Variants in ROBO2 observed in about 807,000 individuals in gnomAD.
ROBO2 encodes the protein roundabout homolog 2.
A neutral mutation model predicts 160.8 loss-of-function variants in ROBO2; 53 were observed. The observed-to-expected ratio is 0.33, with a 90% CI of 0.26 to 0.41. The LOEUF is 0.41. ROBO2 is among the 10% of genes least tolerant of loss of function. The pLI is 1.00. For missense variants in ROBO2, 1,577 were observed against 1,722.4 expected, an observed-to-expected ratio of 0.92 and a Z score of 1.49; for synonymous variants, 664 against 611.7, an observed-to-expected ratio of 1.09 and a Z score of -1.26.
upstream of ROBO2, among the ~76,000 whole-genome samples, chr3:77,036,008 C>T (rs570983374): frequency 3.3e-5 from 5 of 151,882 alleles, no homozygotes; most frequent in East Asian, 3.9e-4. Flanking sequence ...TGGTACACTG[C>T]GGTTTTCTTA....
At chr3:76,920,658 T>C (rs545350975) in intron 2 of ROBO2, among the ~76,000 whole-genome samples, 105 of 152,372 alleles carry the variant, frequency 6.9e-4, no homozygotes, top group Non-Finnish European at 1.3e-3. Context: ...AAAAACATTA[T>C]ATATGACAGC....
intron 2 of ROBO2, among the ~76,000 whole-genome samples, chr3:76,347,956 G>T (rs1242144607): frequency 6.6e-6 from 1 of 152,078 alleles, no homozygotes. Flanking sequence ...CAAGAATGAC[G>T]GATGAAGTCT....
rs1458958547 is a variant in ROBO2 at position 76,616,664 on chromosome 3, C to T, written c.110-481350C>T. Among the ~76,000 whole-genome samples, 5 of 152,188 alleles carry T rather than the reference C, an allele frequency of 3.3e-5. No individual in the cohort carries two copies. In the East Asian group the frequency reaches 7.7e-4, roughly 23 times the overall value. On this transcript the variant is annotated intron_variant, in intron 2 of 26. Transcript: ENST00000487694. ...AGAGGAGTCACACGAACTGTGCTTA[C>T]TCCTCCAAACAAAGATATGTAATAA...
rs188593601 is a variant in ROBO2 at position 77,141,000 on chromosome 3, T to C, written c.388+42660T>C. Among the ~76,000 whole-genome samples the C allele has an allele frequency of 1.3e-3, 202 of 152,272 alleles. 1 individual carries two copies. Among genetic ancestry groups the C allele is most frequent in the African/African-American group, 4.7e-3 (195 of 41,566 alleles). On this transcript the variant is annotated intron_variant, in intron 2 of 25. Coordinates refer to ENST00000461745, the Ensembl canonical transcript of ROBO2. The stretch of plus-strand genomic sequence containing the variant: ...TAGTGAGTTACTTACAAGTATGCTG[T>C]GATAAATTGGTAATAGGACATTCAT...
At chr3:76,559,595 C>A (rs1020690322) in intron 2 of ROBO2, among the ~76,000 whole-genome samples, 1 of 152,064 alleles carries the variant, frequency 6.6e-6, no homozygotes, top group Non-Finnish European at 1.5e-5. Flanking sequence ...AAGTCTTTGG[C>A]CAAAAGCGGT....
At chr3:76,754,862 A>C (rs1437609231) in intron 2 of ROBO2, among the ~76,000 whole-genome samples, 1 of 151,948 alleles carries the variant, frequency 6.6e-6, no homozygotes, top group Admixed American at 6.6e-5. Context: ...AAAATAATTT[A>C]GGAATTTTAA....
At chr3:77,417,111 A>G (rs928480218) in intron 2 of ROBO2, among the ~76,000 whole-genome samples, 6 of 152,192 alleles carry the variant, frequency 3.9e-5, no homozygotes, top group Non-Finnish European at 8.8e-5. Context: ...ACTCAGGAAA[A>G]CTAGCAATAT....
intron 2 of ROBO2, among the ~76,000 whole-genome samples, chr3:76,221,310 G>A (rs903774999): frequency 1.8e-4 from 28 of 151,374 alleles, no homozygotes; most frequent in African/African-American, 6.5e-4. Flanking sequence ...ATGGTGAGCA[G>A]TGCCACTCTC....
At chr3:76,757,334 T>C (rs1445124083) in intron 2 of ROBO2, among the ~76,000 whole-genome samples, 1 of 151,832 alleles carries the variant, frequency 6.6e-6, no homozygotes, top group Non-Finnish European at 1.5e-5. Flanking sequence ...TTTTAGGTTG[T>C]ACATCCAAAA....
intron 2 of ROBO2, among the ~76,000 whole-genome samples, chr3:76,182,706 G>A (rs958235448): frequency 6.6e-6 from 1 of 152,132 alleles, no homozygotes; most frequent in Non-Finnish European, 1.5e-5. Context: ...TACACCTAAA[G>A]TCAGGAGGCG....
At chr3:76,318,828 TTTG>T (rs2107853612) in intron 2 of ROBO2, among the ~76,000 whole-genome samples, 1 of 152,206 alleles carries the variant, frequency 6.6e-6, no homozygotes, top group South Asian at 2.1e-4. Flanking sequence ...TTTCACAGGT[TTTG>T]TTACTTGAAA....
chr3:77,287,375 G>A (rs954996011), intron 2 of ROBO2, among the ~76,000 whole-genome samples: 4 of 151,912 alleles, frequency 2.6e-5, no homozygotes, highest in East Asian at 3.9e-4. Flanking sequence ...CTTATTCCTC[G>A]AAACTTATAA....
At chr3:76,430,326 C>T (rs1024930639) in intron 2 of ROBO2, among the ~76,000 whole-genome samples, 1 of 152,072 alleles carries the variant, frequency 6.6e-6, no homozygotes, top group Non-Finnish European at 1.5e-5. Context: ...ATAATTTGGT[C>T]CTTTCAGTCA....
At chr3:76,079,569 C>T (rs1254942005) in intron 2 of ROBO2, among the ~76,000 whole-genome samples, 1 of 151,026 alleles carries the variant, frequency 6.6e-6, no homozygotes, top group Non-Finnish European at 1.5e-5. Flanking sequence ...CTGCAACCTC[C>T]GCCTCCCGGG....
At chr3:77,495,931 T>C (rs911964823) in intron 5 of ROBO2, among the ~76,000 whole-genome samples, 5 of 152,224 alleles carry the variant, frequency 3.3e-5, no homozygotes, top group African/African-American at 9.6e-5. Context: ...ATGTAGGTGT[T>C]AGGTCATAAA....
intron 2 of ROBO2, among the ~76,000 whole-genome samples, chr3:77,108,326 A>G (rs950839074): frequency 6.7e-6 from 1 of 150,340 alleles, no homozygotes; most frequent in Admixed American, 6.7e-5. Context: ...ACACATATGC[A>G]TATATATATA....
At position 77,371,876 on chromosome 3, in the gene ROBO2, C is replaced by T. The variant is rs578017046; in HGVS notation, c.389-105538C>T. The stretch of plus-strand genomic sequence containing the variant: ...GCTAAACAAAACTAGTTGTGTAATG[C>T]GAAATCACTAAATTGCTGCAGTAGT... On this transcript the variant is annotated intron_variant, in intron 2 of 25. Coordinates refer to ENST00000461745, the Ensembl canonical transcript of ROBO2. 1.1e-4 allele frequency among the ~76,000 whole-genome samples: 16 copies of T among 152,260 alleles called. No homozygotes were observed. The Middle Eastern group carries it at 0.01, about 97-fold the overall frequency.
At chr3:76,640,844 C>T (rs1322524656) in intron 2 of ROBO2, among the ~76,000 whole-genome samples, 2 of 152,106 alleles carry the variant, frequency 1.3e-5, no homozygotes, top group South Asian at 2.1e-4. Context: ...AAAAAAGAAT[C>T]AAGATAAGTA....
rs529404884 is a variant in ROBO2 at position 76,345,904 on chromosome 3, T to G, written c.109+408302T>G. 9.2e-5 allele frequency among the ~76,000 whole-genome samples: 14 copies of G among 152,294 alleles called. No individual in the cohort carries two copies. In the South Asian group the frequency reaches 2.5e-3, roughly 27 times the overall value. ...TCCAAGTTTGTATTGTCAGGTATTT[T>G]ATTATTTTAAATGTAAAAGTGCTCC... On this transcript the variant is annotated intron_variant, in intron 2 of 26. Transcript: ENST00000487694.
Sources: allele counts gnomAD v4.1 joint callset (sites outside exome capture counted in the v4.1 genomes callset), GRCh38; gene constraint gnomAD v4.1.1; transcripts MANE v1.5; gene names NCBI Gene and HGNC (gene_info 2026-07-23, HGNC 2026-07-21).